EDNRB: variants seen among roughly 807,000 people sequenced by gnomAD.
The protein encoded by EDNRB is endothelin receptor type B, also known as Hirschsprung disease 2.
Under a neutral mutation model 46.4 loss-of-function variants are expected in EDNRB, and 18 were observed. The observed-to-expected ratio is 0.39, with a 90% confidence interval of 0.27 to 0.57. The LOEUF is 0.57. Ranked by LOEUF, EDNRB falls within the 20% of genes least tolerant of loss-of-function variation. The pLI, the probability that EDNRB is intolerant of heterozygous loss-of-function variation, is 0.61. For missense variants in EDNRB, 434 were observed against 537.5 expected, an observed-to-expected ratio of 0.81 and a Z score of 1.90; for synonymous variants, 213 against 204.9, an observed-to-expected ratio of 1.04 and a Z score of -0.34.
chr13:77,897,735 GA>G lies in EDNRB; in HGVS notation c.*464del. On this transcript the variant is annotated 3_prime_UTR_variant, in exon 7 of 7. Coordinates refer to ENST00000646607, the MANE Select transcript of EDNRB (RefSeq NM_001122659.3). ...TGATAATAGTGTGATAATATTAATT[GA>G]AAAGTTGTTTTAAAGGATTTTAAAA... 6 of 986,684 alleles carry G rather than the reference GA, an allele frequency of 6.1e-6. No homozygotes were observed. Among genetic ancestry groups the G allele is most frequent in the Non-Finnish European group, 7.2e-6 (6 of 829,318 alleles). The allele number at this position is 986,684 out of a possible 1,614,324, so 61.1% of individuals were successfully genotyped here.
chr13:77,904,561 T>C (rs1879175562), intron 1 of EDNRB, among the ~76,000 whole-genome samples: 2 of 151,810 alleles, frequency 1.3e-5, no homozygotes, highest in African/African-American at 2.4e-5. Flanking sequence ...CAAGAAGACA[T>C]AGTTATTGCT....
At chr13:77,968,971 G>T (rs1881653372) in intron 1 of EDNRB, among the ~76,000 whole-genome samples, 1 of 152,122 alleles carries the variant, frequency 6.6e-6, no homozygotes. Flanking sequence ...GAGATACTTA[G>T]AGTTACTTCA....
At chr13:77,931,494 C>T (rs1880397648) in intron 1 of EDNRB, among the ~76,000 whole-genome samples, 1 of 152,096 alleles carries the variant, frequency 6.6e-6, no homozygotes, top group African/African-American at 2.4e-5. Context: ...CAAGGACCTT[C>T]TCTGAGGTGG....
At chr13:77,918,936 TC>T (rs1451011764), upstream of EDNRB, 2 of 1,174,750 alleles carry the variant, frequency 1.7e-6, no homozygotes, top group Non-Finnish European at 2.1e-6. This position sits in a 1 kb window ranked among gnomAD's most constrained non-coding sequence, Gnocchi z 4.5. Context: ...AGCTCCGAAC[TC>T]TTTCACGTAA....
At chr13:77,951,747 C>T (rs1171570572) in intron 1 of EDNRB, among the ~76,000 whole-genome samples, 2 of 152,164 alleles carry the variant, frequency 1.3e-5, no homozygotes, top group African/African-American at 4.8e-5. Context: ...GGGCCTCTAA[C>T]CCAAGGTCTG....
intron 6 of EDNRB, among the ~76,000 whole-genome samples, chr13:77,899,063 A>G (rs1878788502): frequency 6.6e-6 from 1 of 151,804 alleles, no homozygotes; most frequent in Non-Finnish European, 1.5e-5. Context: ...TTCTATTTGT[A>G]AAAGAAAATG....
At position 77,896,380 on chromosome 13, in the gene EDNRB, G is replaced by A; in HGVS notation, c.*1820C>T. 1 of 1,495,576 alleles carries A rather than the reference G, an allele frequency of 6.7e-7. No homozygotes were observed. Among genetic ancestry groups the A allele is most frequent in the Non-Finnish European group, 8.9e-7 (1 of 1,125,262 alleles). 92.6% of individuals were successfully genotyped at this position (1,495,576 alleles called of 1,614,324 possible). ...ATAACAGGCCTCTGAAAAAGTGATTGGGATGAAATTAAAGAACAAGTTTGT... is the reference window on the plus strand; with the variant it reads ...ATAACAGGCCTCTGAAAAAGTGATTAGGATGAAATTAAAGAACAAGTTTGT... On this transcript the variant is annotated 3_prime_UTR_variant, in exon 7 of 7. Transcript: ENST00000646607.
chr13:77,895,653 CTT>C lies in EDNRB; in HGVS notation c.*2545_*2546del, dbSNP rs967966118. ...AAAAATAAGGTAGTTGTTAAAAAAA[CTT>C]AAATTTTTATTGGTTTTGCTTACAT... On this transcript the variant is annotated 3_prime_UTR_variant, in exon 7 of 7. Coordinates refer to ENST00000646607, the MANE Select transcript of EDNRB (RefSeq NM_001122659.3). 6.6e-6 allele frequency: 1 copy of C among 151,838 alleles called. No individual in the cohort carries two copies. The highest frequency in any genetic ancestry group is 2.4e-5 in the African/African-American group (1 of 41,374). 9.4% of individuals were successfully genotyped at this position (151,838 alleles called of 1,614,324 possible).
rs138360352 is a variant in EDNRB at position 77,966,360 on chromosome 13, A to G, written c.-52+8987T>C. The stretch of plus-strand genomic sequence containing the variant: ...TATTTCTTCTTATATGTGGCACACA[A>G]ACTATACTGTCCTAACAACAAATAC... On this transcript the variant is annotated intron_variant, in intron 1 of 7. Transcript: ENST00000646948. Among the ~76,000 whole-genome samples the G allele has an allele frequency of 5.1e-3, 769 of 152,270 alleles. 8 individuals carry two copies. Among genetic ancestry groups the G allele is most frequent in the African/African-American group, 0.017 (711 of 41,548 alleles).
upstream of EDNRB, chr13:77,919,778 A>C: frequency 1.5e-6 from 1 of 652,702 alleles, no homozygotes; most frequent in Non-Finnish European, 2.6e-6. Context: ...TATTTGTTAG[A>C]GTTCTACGCT....
chr13:77,908,928 C>G (rs4885493), intron 1 of EDNRB, among the ~76,000 whole-genome samples: 52,304 of 151,872 alleles, frequency 0.34, 9,835 homozygotes, highest in East Asian at 0.63. Flanking sequence ...GCAATACTCA[C>G]ATAACTGGCA....
chr13:77,974,941 A>G (rs547357135), intron 1 of EDNRB, among the ~76,000 whole-genome samples: 3 of 152,276 alleles, frequency 2.0e-5, no homozygotes, highest in East Asian at 1.9e-4. Flanking sequence ...TGCCTGACCC[A>G]TGCTTCTTTG....
At chr13:77,952,041 T>C (rs182843605) in intron 1 of EDNRB, among the ~76,000 whole-genome samples, 1 of 152,196 alleles carries the variant, frequency 6.6e-6, no homozygotes, top group Non-Finnish European at 1.5e-5. Context: ...AATCCCTTCA[T>C]GGTCACCAGA....
At chr13:77,933,425 A>C (rs970519187) in intron 1 of EDNRB, among the ~76,000 whole-genome samples, 1 of 152,224 alleles carries the variant, frequency 6.6e-6, no homozygotes, top group Non-Finnish European at 1.5e-5. Context: ...AGTAGGGGTC[A>C]CAAGGTGCTC....
At chr13:77,973,034 A>G (rs1258509932) in intron 1 of EDNRB, among the ~76,000 whole-genome samples, 1 of 152,152 alleles carries the variant, frequency 6.6e-6, no homozygotes, top group African/African-American at 2.4e-5. Flanking sequence ...GTGCTGGTTT[A>G]CTGGAAATTC....
intron 1 of EDNRB, among the ~76,000 whole-genome samples, chr13:77,953,518 A>AT (rs1011084645): frequency 5.9e-5 from 9 of 152,164 alleles, no homozygotes; most frequent in African/African-American, 2.2e-4. Context: ...TGAACATGGC[A>AT]TTTTTTAGAC....
chr13:77,941,870 TAGG>T (rs1312183423), intron 1 of EDNRB, among the ~76,000 whole-genome samples: 2 of 152,356 alleles, frequency 1.3e-5, no homozygotes, highest in East Asian at 3.9e-4. Flanking sequence ...TAAGGAGTTA[TAGG>T]AGATGTTTAG....
chr13:77,918,895 C>T, upstream of EDNRB: 1 of 1,241,346 alleles, frequency 8.1e-7, no homozygotes, highest in Non-Finnish European at 1.0e-6. This position sits in a 1 kb window ranked among gnomAD's most constrained non-coding sequence, Gnocchi z 4.5. Context: ...AAGGGGTGTG[C>T]CAGGGAGGGA....
At chr13:77,971,102 CAG>C (rs953038216) in intron 1 of EDNRB, among the ~76,000 whole-genome samples, 30 of 152,266 alleles carry the variant, frequency 2.0e-4, no homozygotes, top group African/African-American at 6.5e-4. Context: ...AGGTTGGTCT[CAG>C]AGGTTGGGCC....
Sources: allele counts gnomAD v4.1 joint callset (sites outside exome capture counted in the v4.1 genomes callset), GRCh38; gene constraint gnomAD v4.1.1; non-coding constraint Gnocchi (gnomAD v3.1); transcripts MANE v1.5; gene names NCBI Gene and HGNC (gene_info 2026-07-23, HGNC 2026-07-21).